STAG1: variants seen among roughly 807,000 people sequenced by gnomAD.
STAG1 encodes the protein cohesin subunit SA-1.
In STAG1, 26 loss-of-function variants were observed where a neutral mutation model predicts 170.9. The ratio of observed to expected loss-of-function variants is 0.15; its 90% CI spans 0.11 to 0.21. The LOEUF is 0.21. STAG1 is among the 10% of genes least tolerant of loss of function. The pLI is 1.00. For missense variants in STAG1, 964 were observed against 1,509.5 expected (o/e 0.64, Z 5.99); for synonymous variants, 514 against 497.7 (o/e 1.03, Z -0.44).
intron 22 of STAG1, among the ~76,000 whole-genome samples, chr3:136,392,924 G>A (rs2087051407): frequency 6.6e-6 from 1 of 151,474 alleles, no homozygotes; most frequent in South Asian, 2.1e-4. Flanking sequence ...AAATTTATGA[G>A]AACTCTACCT....
At chr3:136,625,689 ATCTGTT>A (rs1940063320) in intron 2 of STAG1, among the ~76,000 whole-genome samples, 3 of 152,024 alleles carry the variant, frequency 2.0e-5, no homozygotes, top group African/African-American at 7.2e-5. Flanking sequence ...GAACAATATA[ATCTGTT>A]TCTCACTCTT....
At chr3:136,668,401 A>T (rs1032938800) in intron 1 of STAG1, among the ~76,000 whole-genome samples, 2 of 146,308 alleles carry the variant, frequency 1.4e-5, no homozygotes, top group East Asian at 3.9e-4. Flanking sequence ...AATATATATT[A>T]TGTATAATAT....
At chr3:136,528,309 C>T (rs1478206201) in intron 6 of STAG1, among the ~76,000 whole-genome samples, 2 of 152,122 alleles carry the variant, frequency 1.3e-5, no homozygotes, top group South Asian at 2.1e-4. Context: ...AGCCTTACTG[C>T]AGCCTTGCAG....
At chr3:136,621,360 TA>T (rs2107828852) in intron 3 of STAG1, among the ~76,000 whole-genome samples, 1 of 152,362 alleles carries the variant, frequency 6.6e-6, no homozygotes, top group South Asian at 2.1e-4. Flanking sequence ...TTCATTCTCC[TA>T]CCTTTAAGCA....
intron 1 of STAG1, among the ~76,000 whole-genome samples, chr3:136,745,310 AAAAT>A: frequency 6.6e-6 from 1 of 152,200 alleles, no homozygotes; most frequent in Admixed American, 6.5e-5. Flanking sequence ...CACAAAATTA[AAAAT>A]AAATAAAAAA....
chr3:136,548,287 T>A (rs1267094737), intron 5 of STAG1, among the ~76,000 whole-genome samples: 1 of 152,036 alleles, frequency 6.6e-6, no homozygotes, highest in South Asian at 2.1e-4. Context: ...CTAATTTTTG[T>A]ATTTTTAGTA....
intron 28 of STAG1, among the ~76,000 whole-genome samples, chr3:136,352,601 T>G (rs1374567428): frequency 9.2e-5 from 14 of 152,208 alleles, no homozygotes; most frequent in Admixed American, 9.2e-4. Context: ...AGTCCCCAAC[T>G]TACAATGCTT....
At chr3:136,551,216 A>AGT (rs1936375688) in intron 5 of STAG1, among the ~76,000 whole-genome samples, 1 of 81,786 alleles carries the variant, frequency 1.2e-5, no homozygotes, top group Non-Finnish European at 2.6e-5. Context: ...AGTGAGAGAG[A>AGT]GAGAGAGAGA....
At chr3:136,618,482 A>C (rs1378241166) in intron 3 of STAG1, among the ~76,000 whole-genome samples, 2 of 152,220 alleles carry the variant, frequency 1.3e-5, no homozygotes, top group Non-Finnish European at 2.9e-5. Context: ...GCAGCACTGA[A>C]ACTTTATATA....
chr3:136,498,235 C>CAT (rs1347173329), intron 9 of STAG1, among the ~76,000 whole-genome samples: 770 of 37,860 alleles, frequency 0.02, 113 homozygotes, highest in African/African-American at 0.079. Flanking sequence ...TATATATATA[C>CAT]ACATACATAT....
chr3:136,541,099 T>C (rs898191626), intron 6 of STAG1, among the ~76,000 whole-genome samples: 5 of 151,974 alleles, frequency 3.3e-5, no homozygotes. Flanking sequence ...AAAATCCCAA[T>C]ACCCGGGTCA....
chr3:136,466,650 G>C (rs937726427), intron 12 of STAG1, among the ~76,000 whole-genome samples: 1 of 152,056 alleles, frequency 6.6e-6, no homozygotes, highest in Non-Finnish European at 1.5e-5. Flanking sequence ...GAAATACAGA[G>C]AACGCCACAA....
chr3:136,589,972 A>T (rs567888389), intron 4 of STAG1, among the ~76,000 whole-genome samples: 111 of 151,974 alleles, frequency 7.3e-4, no homozygotes, highest in Non-Finnish European at 1.3e-3. Flanking sequence ...AAAATACAAA[A>T]AATAGCCAGG....
intron 9 of STAG1, among the ~76,000 whole-genome samples, chr3:136,498,926 C>G (rs1321364660): frequency 6.6e-6 from 1 of 152,154 alleles, no homozygotes; most frequent in African/African-American, 2.4e-5. Context: ...AACAGATACA[C>G]ATACACACAC....
rs965913237 is a variant in STAG1, at chr3:136,599,662, C to G, written c.297+4647G>C. ...ATGGCTCTTTCATGTTTTCTTACCT[C>G]CTTATTTCTCTGGGCTACATTCTAA... On this transcript the variant is annotated intron_variant, in intron 4 of 33. Transcript: ENST00000383202. Among the ~76,000 whole-genome samples, 3 of 152,270 alleles carry G rather than the reference C, an allele frequency of 2.0e-5. No homozygotes were observed. In the East Asian group the frequency reaches 5.8e-4, roughly 29 times the overall value.
intron 16 of STAG1, among the ~76,000 whole-genome samples, chr3:136,432,517 G>A (rs866386173): frequency 8.1e-6 from 1 of 124,156 alleles, no homozygotes; most frequent in Non-Finnish European, 1.6e-5. Flanking sequence ...TTTTTTTTGG[G>A]GGGGGGGGGG....
chr3:136,723,784 G>C (rs1576813914), intron 1 of STAG1, among the ~76,000 whole-genome samples: 1 of 142,724 alleles, frequency 7.0e-6, no homozygotes, highest in African/African-American at 2.6e-5. Flanking sequence ...GAAGGAGGTG[G>C]GGGGGTCAGC....
At chr3:136,623,028 A>G (rs1939936355) in intron 3 of STAG1, 118 bp downstream of exon 3, 1 of 806,012 alleles carries the variant, frequency 1.2e-6, no homozygotes, top group Non-Finnish European at 2.0e-6. Context: ...TCCAATCTCT[A>G]TTGTGTCACT....
At chr3:136,693,288 T>C (rs938039615) in intron 1 of STAG1, among the ~76,000 whole-genome samples, 1 of 152,202 alleles carries the variant, frequency 6.6e-6, no homozygotes, top group African/African-American at 2.4e-5. Flanking sequence ...CCGTGGCTGG[T>C]TGAGACTGGT....
Sources: gnomAD v4.1 joint callset for allele counts (sites outside exome capture counted in the v4.1 genomes callset) on GRCh38, gnomAD v4.1.1 for gene constraint, MANE v1.5 for transcripts, NCBI Gene and HGNC (gene_info 2026-07-23, HGNC 2026-07-21) for gene names.